TLN2: variants seen among roughly 807,000 people sequenced by gnomAD.
TLN2 encodes the protein talin-2.
A neutral mutation model predicts 294.7 loss-of-function variants in TLN2; 118 were observed. That is an observed-to-expected ratio of 0.40 (90% CI 0.34 to 0.47). TLN2 has a LOEUF of 0.47. TLN2 is among the 20% of genes least tolerant of loss of function. TLN2 has a pLI of 0.84. For synonymous variants in TLN2, 1,431 were observed against 1,304.5 expected, an observed-to-expected ratio of 1.10 and a Z score of -2.09; for missense variants, 3,083 against 3,282.2, an observed-to-expected ratio of 0.94 and a Z score of 1.48.
intron 6 of TLN2, among the ~76,000 whole-genome samples, chr15:62,652,957 G>C (rs1337057908): frequency 6.6e-6 from 1 of 152,030 alleles, no homozygotes; most frequent in African/African-American, 2.4e-5. Context: ...TTTGTTACCT[G>C]TTTTCCCCCA....
chr15:62,801,436 G>A (rs761791325), intron 50 of TLN2, among the ~76,000 whole-genome samples: 3 of 152,196 alleles, frequency 2.0e-5, no homozygotes, highest in Non-Finnish European at 2.9e-5. Context: ...AAAAAGAGTA[G>A]TTTCAAACAG....
chr15:62,760,977 C>T (rs561151843), intron 37 of TLN2, among the ~76,000 whole-genome samples: 1 of 152,310 alleles, frequency 6.6e-6, no homozygotes, highest in East Asian at 1.9e-4. Context: ...ATCTGCTCTT[C>T]TAACACCCTA....
intron 1 of TLN2, among the ~76,000 whole-genome samples, chr15:62,461,096 A>G (rs942778097): frequency 1.3e-5 from 2 of 152,082 alleles, no homozygotes; most frequent in African/African-American, 4.8e-5. Context: ...CTACAGGCAC[A>G]CGCTACCATG....
chr15:62,694,187 G>A (rs2058154159), intron 13 of TLN2, 129 bp from the exon 14 acceptor site: 3 of 672,638 alleles, frequency 4.5e-6, no homozygotes, highest in Non-Finnish European at 7.9e-6. Context: ...GTGTTGACCA[G>A]GTTTGTCTCG....
chr15:62,422,219 CAAAAAAAA>C (rs386383227), intron 1 of TLN2, among the ~76,000 whole-genome samples: 13 of 55,356 alleles, frequency 2.3e-4, no homozygotes, highest in African/African-American at 7.8e-4. Flanking sequence ...AACTCTGTCT[CAAAAAAAA>C]AAAAAAAAAA....
At chr15:62,827,031 G>C (rs1437280814) in intron 54 of TLN2, among the ~76,000 whole-genome samples, 1 of 151,574 alleles carries the variant, frequency 6.6e-6, no homozygotes, top group African/African-American at 2.4e-5. Context: ...TGTGAGAAGG[G>C]CGACCATTGT....
chr15:62,773,102 T>G (rs1003099101), intron 42 of TLN2, among the ~76,000 whole-genome samples: 1 of 151,788 alleles, frequency 6.6e-6, no homozygotes, highest in African/African-American at 2.4e-5. Flanking sequence ...CCAGAAAGCT[T>G]ACAGTGCTGA....
intron 50 of TLN2, among the ~76,000 whole-genome samples, chr15:62,804,847 C>A (rs2066162279): frequency 6.6e-6 from 1 of 152,122 alleles, no homozygotes; most frequent in Admixed American, 6.5e-5. Flanking sequence ...GACAGGGTAG[C>A]CCCACCTAGG....
intron 12 of TLN2, 61 bp from the exon 13 acceptor site, chr15:62,692,779 T>C (rs747677403): frequency 1.5e-6 from 2 of 1,352,716 alleles, no homozygotes; most frequent in Non-Finnish European, 2.1e-6. Context: ...CTGGACCTGC[T>C]AGCCTTTAAA....
chr15:62,437,826 T>C (rs1481395549), intron 1 of TLN2, among the ~76,000 whole-genome samples: 1 of 152,134 alleles, frequency 6.6e-6, no homozygotes, highest in African/African-American at 2.4e-5. Flanking sequence ...CTGAGCTATA[T>C]TTTCCCCTTG....
rs1567350633 is a variant in TLN2 at position 62,686,705 on chromosome 15, T to A, written c.1022T>A (p.Met341Lys). Reference protein sequence around the residue: ...RLLGITKDSVMRVDEKTKEVL... With the variant: ...RLLGITKDSVKRVDEKTKEVL... ...CTGGGGATCACCAAAGACTCGGTGA[T>A]GCGCGTGGATGAGAAGACCAAGGAA... is the stretch of plus-strand genomic sequence containing the variant. Residue 341 changes from methionine (M) to lysine (K), a missense_variant, in exon 12 of 59, where the codon ATG becomes AAG. Physicochemically the swap from Met to Lys is moderately conservative, Grantham distance 95. Transcript: ENST00000636159. The A allele has an allele frequency of 6.2e-7, 1 of 1,613,968 alleles. No individual in the cohort carries two copies. The highest frequency in any genetic ancestry group is 1.7e-5 in the Admixed American group (1 of 60,018).
chr15:62,614,928 C>T (rs979000042), intron 2 of TLN2, among the ~76,000 whole-genome samples: 4 of 152,150 alleles, frequency 2.6e-5, no homozygotes, highest in African/African-American at 9.7e-5. Context: ...GCCTCAGCCT[C>T]CCGAGTTGCT....
chr15:62,818,152 C>A (rs2067265618), intron 52 of TLN2, among the ~76,000 whole-genome samples: 1 of 152,046 alleles, frequency 6.6e-6, no homozygotes, highest in South Asian at 2.1e-4. Flanking sequence ...AGGCATTATC[C>A]CAGCTTTACA....
intron 11 of TLN2, among the ~76,000 whole-genome samples, chr15:62,683,629 A>C (rs1324722674): frequency 1.3e-5 from 2 of 152,172 alleles, no homozygotes; most frequent in African/African-American, 4.8e-5. Flanking sequence ...AGACATTTTC[A>C]AAACAAAAAC....
chr15:62,795,934 A>G (rs920610256), intron 46 of TLN2, among the ~76,000 whole-genome samples, 193 bp from the exon 47 acceptor site: 1 of 152,228 alleles, frequency 6.6e-6, no homozygotes, highest in Non-Finnish European at 1.5e-5. Flanking sequence ...GAGGTAAAGC[A>G]GCTTTGCCTA....
intron 42 of TLN2, among the ~76,000 whole-genome samples, chr15:62,774,765 C>T (rs923312553): frequency 6.6e-6 from 1 of 152,038 alleles, no homozygotes; most frequent in Non-Finnish European, 1.5e-5. Context: ...ATTTCAGTGA[C>T]CTGGCACAGG....
chr15:62,770,311 G>A (rs535626222), intron 41 of TLN2, among the ~76,000 whole-genome samples: 31 of 152,378 alleles, frequency 2.0e-4, no homozygotes, highest in African/African-American at 7.5e-4. Flanking sequence ...ACAGCGCCCA[G>A]CTGGTAGGCG....
At position 62,763,495 on chromosome 15, in the gene TLN2, A is replaced by T. The variant is rs1409170791; in HGVS notation, c.4962-68A>T. Reference sequence around the variant, plus strand: ...AAGTGGACAGGGATCCTGGCCCACCAGTGCTGGAGCAGGCTGTGGGACTTG... The same window carrying T: ...AAGTGGACAGGGATCCTGGCCCACCTGTGCTGGAGCAGGCTGTGGGACTTG... On this transcript the variant is annotated intron_variant, in intron 39 of 58. Coordinates refer to ENST00000636159, the MANE Select transcript of TLN2 (RefSeq NM_015059.3). The T allele has an allele frequency of 3.3e-6, 5 of 1,521,634 alleles. No individual in the cohort carries two copies. In the South Asian group the frequency reaches 6.4e-5, roughly 19 times the overall value. 94.3% of individuals were successfully genotyped at this position (1,521,634 alleles called of 1,614,324 possible). A position where few individuals can be genotyped will look rare whatever the true frequency, so the allele number is the denominator to read the frequency against.
intron 17 of TLN2, among the ~76,000 whole-genome samples, chr15:62,701,535 G>T (rs1328635038): frequency 6.6e-6 from 1 of 152,170 alleles, no homozygotes; most frequent in Non-Finnish European, 1.5e-5. Flanking sequence ...ACCTACAGTT[G>T]GAAAATGGTT....
Sources: allele counts gnomAD v4.1 joint callset (sites outside exome capture counted in the v4.1 genomes callset), GRCh38; gene constraint gnomAD v4.1.1; transcripts MANE v1.5; gene names NCBI Gene and HGNC (gene_info 2026-07-23, HGNC 2026-07-21).